LONP2: variants seen among roughly 807,000 people sequenced by gnomAD.
The protein encoded by LONP2 is lon protease homolog 2, peroxisomal.
In LONP2, 60 loss-of-function variants were observed where a neutral mutation model predicts 85.6. That is an observed-to-expected ratio of 0.70 (90% CI 0.57 to 0.87). The LOEUF is 0.87. Ranked by LOEUF, LONP2 falls within the 40% of genes least tolerant of loss-of-function variation. The probability of loss-of-function intolerance (pLI) is 0.00; values close to 1 mark genes in which losing one functional copy is unlikely to be tolerated. For missense variants in LONP2, 860 were observed against 1,063.5 expected (o/e 0.81, Z 2.66); for synonymous variants, 395 against 389.7 (o/e 1.01, Z -0.16).
At chr16:48,320,361 G>A (rs867112399) in intron 11 of LONP2, among the ~76,000 whole-genome samples, 1 of 151,932 alleles carries the variant, frequency 6.6e-6, no homozygotes, top group South Asian at 2.1e-4. Context: ...GATTGTATTA[G>A]TAGCTCAGGA....
intron 12 of LONP2, chr16:48,336,370 A>G: frequency 2.2e-6 from 1 of 456,326 alleles, no homozygotes; most frequent in South Asian, 1.5e-5. Flanking sequence ...GAAAGACTCC[A>G]GTAGCCATTT....
downstream of LONP2, among the ~76,000 whole-genome samples, chr16:48,359,253 A>G (rs1960486126): frequency 6.6e-6 from 1 of 152,192 alleles, no homozygotes; most frequent in Non-Finnish European, 1.5e-5. Context: ...TATGAGCCAC[A>G]GCGTCCAGCC....
At chr16:48,264,947 GTTTT>G (rs949671993) in intron 6 of LONP2, among the ~76,000 whole-genome samples, 2 of 151,986 alleles carry the variant, frequency 1.3e-5, no homozygotes, top group African/African-American at 4.8e-5. Flanking sequence ...ACTGATGATG[GTTTT>G]TTTGTTTGTT....
intron 8 of LONP2, among the ~76,000 whole-genome samples, chr16:48,280,137 T>G (rs1972295673): frequency 6.6e-6 from 1 of 152,216 alleles, no homozygotes; most frequent in Non-Finnish European, 1.5e-5. Flanking sequence ...GCTCCATAAC[T>G]GGTTCTTTTT....
intron 9 of LONP2, 82 bp downstream of exon 9, chr16:48,296,247 T>A: frequency 7.0e-7 from 1 of 1,418,490 alleles, no homozygotes; most frequent in Non-Finnish European, 9.6e-7. Context: ...GAGTTTTGAC[T>A]AAAAGAAGTT....
At chr16:48,308,616 G>A (rs1210078379) in intron 11 of LONP2, among the ~76,000 whole-genome samples, 2 of 141,514 alleles carry the variant, frequency 1.4e-5, no homozygotes, top group Admixed American at 7.2e-5. Context: ...GTATCGCAGC[G>A]AGACTCTGTC....
chr16:48,352,122 C>A lies in LONP2; in HGVS notation c.*320C>A. ...TGGTAACTTGTTAGAAATGTACATT[C>A]TCAGGCTCCACAGCAGGCCGCCTGA... is the stretch of plus-strand genomic sequence containing the variant. On this transcript the variant is annotated 3_prime_UTR_variant, in exon 15 of 15. Transcript: ENST00000285737. The A allele has an allele frequency of 3.8e-6, 1 of 260,854 alleles. No individual in the cohort carries two copies. Among genetic ancestry groups the A allele is most frequent in the Non-Finnish European group, 7.4e-6 (1 of 135,550 alleles). 16.2% of individuals were successfully genotyped at this position (260,854 alleles called of 1,614,324 possible). A position where few individuals can be genotyped will look rare whatever the true frequency, so the allele number is the denominator to read the frequency against.
chr16:48,346,026 A>G (rs1597003088), intron 12 of LONP2: 1 of 149,642 alleles, frequency 6.7e-6, no homozygotes, highest in East Asian at 2.0e-4. Context: ...CCCAGGCGAC[A>G]GAGTGAGACT....
Position 48,302,250 on chromosome 16 carries a change from A to G in LONP2, c.1662-922A>G, listed in dbSNP as rs562488760. Among the ~76,000 whole-genome samples the G allele has an allele frequency of 1.1e-4, 17 of 152,310 alleles. No individual in the cohort carries two copies. The South Asian group carries it at 3.5e-3, about 32-fold the overall frequency. On this transcript the variant is annotated intron_variant, in intron 10 of 14. Transcript: ENST00000285737. ...TTTCTCCCTTATTGAAATTATACGT[A>G]GTTGCATAATATAGGCTTTATATCC... is the stretch of plus-strand genomic sequence containing the variant.
chr16:48,361,065 AAATTT>A (rs1165604864), downstream of LONP2: 1 of 152,720 alleles, frequency 6.5e-6, no homozygotes, highest in Non-Finnish European at 1.5e-5. Context: ...CAGAAAAGTC[AAATTT>A]ATTTAATGAA....
At chr16:48,274,847 T>C (rs1386044011) in intron 7 of LONP2, among the ~76,000 whole-genome samples, 3 of 152,224 alleles carry the variant, frequency 2.0e-5, no homozygotes, top group African/African-American at 4.8e-5. Context: ...CTTAACATTG[T>C]AACACTTAAA....
At chr16:48,298,137 A>G (rs1050087829) in intron 9 of LONP2, among the ~76,000 whole-genome samples, 2 of 152,254 alleles carry the variant, frequency 1.3e-5, no homozygotes, top group African/African-American at 4.8e-5. Flanking sequence ...GTAAAGTGAA[A>G]GAATCAGGAC....
At chr16:48,245,679 A>C (rs1971335314) in intron 1 of LONP2, among the ~76,000 whole-genome samples, 1 of 152,142 alleles carries the variant, frequency 6.6e-6, no homozygotes, top group African/African-American at 2.4e-5. Flanking sequence ...TTTTGAAAAA[A>C]CTTTTTGATT....
At position 48,354,942 on chromosome 16, in the gene LONP2, A is replaced by G. The variant is rs1420630750; in HGVS notation, c.*3140A>G. 1 of 152,188 alleles carries G rather than the reference A, an allele frequency of 6.6e-6. No homozygotes were observed. The highest frequency in any genetic ancestry group is 1.9e-4 in the East Asian group (1 of 5,206). The allele number at this position is 152,188 out of a possible 1,614,324, so 9.4% of individuals were successfully genotyped here. ...CATGACCTATCAAGGTGTTTTGTCA[A>G]ACAAAAACTAATACTTTCCCTGGGA... On this transcript the variant is annotated 3_prime_UTR_variant, in exon 15 of 15. Transcript: ENST00000285737.
chr16:48,286,100 G>T lies in LONP2; in HGVS notation c.1383+8621G>T, dbSNP rs1972435411. Among the ~76,000 whole-genome samples the T allele has an allele frequency of 2.0e-5, 3 of 150,958 alleles. No homozygotes were observed. The South Asian group carries it at 6.3e-4, about 32-fold the overall frequency. On this transcript the variant is annotated intron_variant, in intron 8 of 14. Coordinates refer to ENST00000285737, the MANE Select transcript of LONP2 (RefSeq NM_031490.5). ...TTCCTCAAAGTTCATCAATGTTGGG[G>T]CATTAGTTTTTTAAGCATATTTATA...
intron 2 of LONP2, among the ~76,000 whole-genome samples, chr16:48,255,871 T>A (rs1192849790): frequency 6.6e-6 from 1 of 152,144 alleles, no homozygotes; most frequent in East Asian, 1.9e-4. Flanking sequence ...GAACTGTGAG[T>A]CCATTAAACC....
intron 1 of LONP2, among the ~76,000 whole-genome samples, chr16:48,248,581 A>C (rs1457712344): frequency 6.6e-6 from 1 of 152,198 alleles, no homozygotes; most frequent in East Asian, 1.9e-4. Context: ...TTTTAAATGT[A>C]GATTTTCACA....
At chr16:48,288,346 G>A (rs1379734424) in intron 8 of LONP2, among the ~76,000 whole-genome samples, 2 of 151,876 alleles carry the variant, frequency 1.3e-5, no homozygotes, top group Admixed American at 1.3e-4. Flanking sequence ...GTAGAGATGG[G>A]CTTTCACCAT....
At chr16:48,286,349 G>T (rs1972442754) in intron 8 of LONP2, among the ~76,000 whole-genome samples, 1 of 151,948 alleles carries the variant, frequency 6.6e-6, no homozygotes, top group Admixed American at 6.6e-5. Context: ...CACCATGTTA[G>T]CCAGGATGGT....
Sources: gnomAD v4.1 joint callset for allele counts (sites outside exome capture counted in the v4.1 genomes callset) on GRCh38, gnomAD v4.1.1 for gene constraint, MANE v1.5 for transcripts, NCBI Gene and HGNC (gene_info 2026-07-23, HGNC 2026-07-21) for gene names.